Variants in PI15 observed in about 807,000 individuals in gnomAD.
PI15 encodes peptidase inhibitor 15.
Under a neutral mutation model 31.0 loss-of-function variants are expected in PI15, and 18 were observed. That is an observed-to-expected ratio of 0.58 (90% CI 0.40 to 0.86). PI15 has a LOEUF of 0.86. Ranked by LOEUF, PI15 falls within the 40% of genes least tolerant of loss-of-function variation. PI15 has a pLI of 0.00. For missense variants in PI15, 282 were observed against 328.1 expected (o/e 0.86, Z 1.09); for synonymous variants, 118 against 119.1 (o/e 0.99, Z 0.06).
At position 74,849,254 on chromosome 8, in the gene PI15, G is replaced by C; in HGVS notation, c.*1G>C. 6.2e-7 allele frequency: 1 copy of C among 1,608,194 alleles called. No individual in the cohort carries two copies. The highest frequency in any genetic ancestry group is 8.5e-7 in the Non-Finnish European group (1 of 1,176,518). On this transcript the variant is annotated 3_prime_UTR_variant, in exon 6 of 6. Coordinates refer to ENST00000260113, the MANE Select transcript of PI15 (RefSeq NM_015886.5). Reference sequence around the variant, plus strand: ...AAACTACCTGTACTGGTTTAAATAAGTTTACCTTTTCCTCCAGGAAATATA... The same window carrying C: ...AAACTACCTGTACTGGTTTAAATAACTTTACCTTTTCCTCCAGGAAATATA...
chr8:74,827,125 C>G (rs1252283484), intron 2 of PI15, among the ~76,000 whole-genome samples: 1 of 152,018 alleles, frequency 6.6e-6, no homozygotes, highest in Non-Finnish European at 1.5e-5. Flanking sequence ...AAAGTGAGAA[C>G]CAAGACTGCT....
rs1490214267 is a variant in PI15 at position 74,849,743 on chromosome 8, G to C, written c.*490G>C. On this transcript the variant is annotated 3_prime_UTR_variant, in exon 6 of 6. Transcript: ENST00000260113. ...ATTCTCAATTATATACGAGGTGATG[G>C]GACTTCTTAACACACATTTCTATAA... 1.3e-5 allele frequency: 2 copies of C among 152,028 alleles called. No individual in the cohort carries two copies. Among genetic ancestry groups the C allele is most frequent in the African/African-American group, 4.8e-5 (2 of 41,354 alleles). The allele number at this position is 152,028 out of a possible 1,614,324, so 9.4% of individuals were successfully genotyped here.
At chr8:74,846,479 C>T (rs1811028341) in intron 5 of PI15, among the ~76,000 whole-genome samples, 1 of 152,024 alleles carries the variant, frequency 6.6e-6, no homozygotes, top group African/African-American at 2.4e-5. Flanking sequence ...ACCCTTTCTC[C>T]CTGACATAAA....
Position 74,845,488 on chromosome 8 carries a change from A to G in PI15, c.632A>G (p.Tyr211Cys), listed in dbSNP as rs771868999. ...WRRAVYLVCN[Y>C]APKGNWIGEA... Reference sequence around the variant, plus strand: ...CGTGCAGTTTACTTGGTATGCAACTATGCCCCAAAGTAAGTACCAGGTTGG... The same window carrying G: ...CGTGCAGTTTACTTGGTATGCAACTGTGCCCCAAAGTAAGTACCAGGTTGG... The change falls in exon 5 of 6, where the codon TAT (tyrosine) becomes TGT (cysteine). Residue 211 changes from tyrosine to cysteine, a missense_variant. By Grantham distance (194) the Tyr-to-Cys change is radical. Coordinates refer to ENST00000260113, the MANE Select transcript of PI15 (RefSeq NM_015886.5). 1.2e-5 allele frequency: 19 copies of G among 1,601,796 alleles called. No homozygotes were observed. Among genetic ancestry groups the G allele is most frequent in the Non-Finnish European group, 1.5e-5 (17 of 1,168,948 alleles).
chr8:74,847,944 G>C (rs1811048507), intron 5 of PI15, among the ~76,000 whole-genome samples: 1 of 151,882 alleles, frequency 6.6e-6, no homozygotes, highest in Non-Finnish European at 1.5e-5. Context: ...TCACATTGCT[G>C]TCTATATTGC....
chr8:74,826,339 AT>A lies in PI15; in HGVS notation c.273+818del, dbSNP rs373009492. The A allele has an allele frequency of 8.1e-4, 770 of 948,386 alleles. 4 individuals are homozygous for A. In the African/African-American group the frequency reaches 0.012, roughly 15 times the overall value. The allele number at this position is 948,386 out of a possible 1,614,324, so 58.7% of individuals were successfully genotyped here. A position where few individuals can be genotyped will look rare whatever the true frequency, so the allele number is the denominator to read the frequency against. On this transcript the variant is annotated intron_variant, in intron 2 of 5. Coordinates refer to ENST00000260113, the MANE Select transcript of PI15 (RefSeq NM_015886.5). ...CTGTTTAAGGCAATGAAGACCATCA[AT>A]ATGGTATTTCCAAATTGGGGTGAGG...
Position 74,849,548 on chromosome 8 carries a change from A to G in PI15, c.*295A>G. ...ACTTACATTCCAAAGGAATTATATC[A>G]TTATGTTCCTAAGGAGTAAATATAT... is the stretch of plus-strand genomic sequence containing the variant. On this transcript the variant is annotated 3_prime_UTR_variant, in exon 6 of 6. Coordinates refer to ENST00000260113, the MANE Select transcript of PI15 (RefSeq NM_015886.5). 1 of 255,518 alleles carries G rather than the reference A, an allele frequency of 3.9e-6. No homozygotes were observed. Among genetic ancestry groups the G allele is most frequent in the African/African-American group, 2.3e-5 (1 of 44,274 alleles). 15.8% of individuals were successfully genotyped at this position (255,518 alleles called of 1,614,324 possible).
At position 74,852,964 on chromosome 8, in the gene PI15, T is replaced by C. The variant is rs1811128672; in HGVS notation, c.*3711T>C. Reference sequence around the variant, plus strand: ...AAGGATAAAGTTACATTTGTCTTAATTTCTAACATTATCTTTGCTTTTATG... The same window carrying C: ...AAGGATAAAGTTACATTTGTCTTAACTTCTAACATTATCTTTGCTTTTATG... On this transcript the variant is annotated 3_prime_UTR_variant, in exon 6 of 6. Transcript: ENST00000260113. 1 of 152,210 alleles carries C rather than the reference T, an allele frequency of 6.6e-6. No individual in the cohort carries two copies. The highest frequency in any genetic ancestry group is 2.1e-4 in the South Asian group (1 of 4,832). The allele number at this position is 152,210 out of a possible 1,614,324, so 9.4% of individuals were successfully genotyped here. A position where few individuals can be genotyped will look rare whatever the true frequency, so the allele number is the denominator to read the frequency against.
intron 2 of PI15, among the ~76,000 whole-genome samples, chr8:74,830,135 C>T (rs984554094): frequency 6.6e-6 from 1 of 151,950 alleles, no homozygotes; most frequent in South Asian, 2.1e-4. Flanking sequence ...AAGGAAGAAC[C>T]GCACAGCTGC....
At position 74,844,490 on chromosome 8, in the gene PI15, T is replaced by C. The variant is rs1404995033; in HGVS notation, c.392+391T>C. On this transcript the variant is annotated intron_variant, in intron 3 of 5. Coordinates refer to ENST00000260113, the MANE Select transcript of PI15 (RefSeq NM_015886.5). ...GTGTGTATGCATATGAGTGCAACTT[T>C]CCCAAAGTTGCATATACCCGCATTT... Among the ~76,000 whole-genome samples, 3 of 151,276 alleles carry C rather than the reference T, an allele frequency of 2.0e-5. No homozygotes were observed. In the East Asian group the frequency reaches 5.9e-4, roughly 30 times the overall value.
At chr8:74,843,035 T>C (rs1406390383) in intron 2 of PI15, among the ~76,000 whole-genome samples, 1 of 152,198 alleles carries the variant, frequency 6.6e-6, no homozygotes, top group Non-Finnish European at 1.5e-5. Flanking sequence ...TGGGTTTTAT[T>C]ACACCATAAT....
rs904067438 is a variant in PI15, at chr8:74,854,332, G to A, written c.*5079G>A. On this transcript the variant is annotated 3_prime_UTR_variant, in exon 6 of 6. Transcript: ENST00000260113. ...TTGATACTTTCAAACTTATTTTAAAGCAGTAGAACCTTTTCTATGAACTAA... is the reference window on the plus strand; with the variant it reads ...TTGATACTTTCAAACTTATTTTAAAACAGTAGAACCTTTTCTATGAACTAA... 6.6e-6 allele frequency: 1 copy of A among 151,992 alleles called. No homozygotes were observed. Among genetic ancestry groups the A allele is most frequent in the African/African-American group, 2.4e-5 (1 of 41,408 alleles). 9.4% of individuals were successfully genotyped at this position (151,992 alleles called of 1,614,324 possible). A position where few individuals can be genotyped will look rare whatever the true frequency, so the allele number is the denominator to read the frequency against.
chr8:74,843,485 T>C (rs917668090), intron 2 of PI15, among the ~76,000 whole-genome samples: 8 of 152,140 alleles, frequency 5.3e-5, no homozygotes, highest in Admixed American at 5.2e-4. Flanking sequence ...CCCCACGCTT[T>C]GGGAGGCCAA....
intron 2 of PI15, among the ~76,000 whole-genome samples, chr8:74,839,919 T>C (rs535379800): frequency 6.6e-6 from 1 of 152,278 alleles, no homozygotes; most frequent in East Asian, 1.9e-4. Flanking sequence ...AGTCAAATGT[T>C]TATACAATTT....
chr8:74,829,174 G>T (rs372025638), intron 2 of PI15, among the ~76,000 whole-genome samples: 2 of 152,044 alleles, frequency 1.3e-5, no homozygotes, highest in South Asian at 2.1e-4. Context: ...CTTGTGAATT[G>T]TTATGTGTTT....
chr8:74,835,222 A>AT (rs983020813), intron 2 of PI15, among the ~76,000 whole-genome samples: 5 of 152,108 alleles, frequency 3.3e-5, no homozygotes, highest in Non-Finnish European at 7.4e-5. Flanking sequence ...AAAATTTTGG[A>AT]TTTTCAGAAA....
chr8:74,844,032 A>G lies in PI15; in HGVS notation c.325A>G (p.Ile109Val). Residue 109 changes from isoleucine (I) to valine (V), a missense_variant, in exon 3 of 6, where the codon ATT (isoleucine) becomes GTT (valine). Coordinates refer to ENST00000260113, the MANE Select transcript of PI15 (RefSeq NM_015886.5). ...GGCAGAGGCTTGGGCGGCTACTTGC[A>G]TTTGGGACCATGGACCTTCTTACTT... The part of the protein sequence containing the change: ...KSAEAWAATC[I>V]WDHGPSYLLR... 6.2e-7 allele frequency: 1 copy of G among 1,610,652 alleles called. No homozygotes were observed.
chr8:74,849,236 C>G lies in PI15; in HGVS notation c.760C>G (p.Leu254Val), dbSNP rs749892777. ...TTTTCCAGGAGTTACGTCAAACTAC[C>G]TGTACTGGTTTAAATAAGTTTACCT... ...LCFPGVTSNY[L>V]YWFK is the part of the protein sequence containing the mutation. Residue 254 changes from leucine to valine, a missense_variant, in exon 6 of 6, where the codon CTG (leucine) becomes GTG (valine). Leu to Val is a conservative substitution (Grantham distance 32, BLOSUM62 1). Transcript: ENST00000260113. 1.2e-6 allele frequency: 2 copies of G among 1,612,354 alleles called. No homozygotes were observed. Among genetic ancestry groups the G allele is most frequent in the African/African-American group, 2.7e-5 (2 of 74,904 alleles).
Position 74,853,055 on chromosome 8 carries a change from A to G in PI15, c.*3802A>G, listed in dbSNP as rs913967258. The G allele has an allele frequency of 6.6e-6, 1 of 152,580 alleles. No individual in the cohort carries two copies. Among genetic ancestry groups the G allele is most frequent in the Non-Finnish European group, 1.5e-5 (1 of 67,986 alleles). 9.5% of individuals were successfully genotyped at this position (152,580 alleles called of 1,614,324 possible). A position where few individuals can be genotyped will look rare whatever the true frequency, so the allele number is the denominator to read the frequency against. On this transcript the variant is annotated 3_prime_UTR_variant, in exon 6 of 6. Coordinates refer to ENST00000260113, the MANE Select transcript of PI15 (RefSeq NM_015886.5). Reference sequence around the variant, plus strand: ...TAATCACATCCAATTATTTGAACACATGCAAAATAATTTTTTAAATTATGT... The same window carrying G: ...TAATCACATCCAATTATTTGAACACGTGCAAAATAATTTTTTAAATTATGT...
Sources: gnomAD v4.1 joint callset for allele counts (sites outside exome capture counted in the v4.1 genomes callset) on GRCh38, gnomAD v4.1.1 for gene constraint, MANE v1.5 for transcripts, NCBI Gene and HGNC (gene_info 2026-07-23, HGNC 2026-07-21) for gene names.